SEPTIN7: variants seen among roughly 807,000 people sequenced by gnomAD.
SEPTIN7 encodes septin-7.
A neutral mutation model predicts 63.3 loss-of-function variants in SEPTIN7; 10 were observed. The observed-to-expected ratio is 0.16, with a 90% CI of 0.10 to 0.27. The LOEUF is 0.27. SEPTIN7 is among the 10% of genes least tolerant of loss of function. The probability of loss-of-function intolerance (pLI) is 1.00; values close to 1 mark genes in which losing one functional copy is unlikely to be tolerated. For missense variants in SEPTIN7, 310 were observed against 521.0 expected (o/e 0.59, Z 3.94); for synonymous variants, 131 against 165.3 (o/e 0.79, Z 1.59).
At chr7:35,840,359 A>G (rs1784353069) in intron 3 of SEPTIN7, among the ~76,000 whole-genome samples, 1 of 150,242 alleles carries the variant, frequency 6.7e-6, no homozygotes, top group African/African-American at 2.5e-5. Flanking sequence ...CCTGGACTCA[A>G]GTGATCGTCC....
At chr7:35,894,301 A>G (rs1371105982) in intron 11 of SEPTIN7, among the ~76,000 whole-genome samples, 2 of 151,910 alleles carry the variant, frequency 1.3e-5, no homozygotes, top group African/African-American at 2.4e-5. Flanking sequence ...GTTGGGGCAC[A>G]CCCTTGTCTC....
intron 3 of SEPTIN7, among the ~76,000 whole-genome samples, chr7:35,837,511 A>G (rs1052528743): frequency 2.0e-5 from 3 of 147,762 alleles, no homozygotes; most frequent in Non-Finnish European, 4.4e-5. Flanking sequence ...TTCTTAGAAT[A>G]ATAAAGCTTT....
At chr7:35,844,685 C>T (rs1450239178) in intron 3 of SEPTIN7, among the ~76,000 whole-genome samples, 6 of 152,096 alleles carry the variant, frequency 3.9e-5, no homozygotes, top group Non-Finnish European at 8.8e-5. Context: ...CTGCAACCTC[C>T]GTTCCCCTGG....
At chr7:35,825,164 G>A (rs1488723360) in intron 1 of SEPTIN7, among the ~76,000 whole-genome samples, 1 of 152,146 alleles carries the variant, frequency 6.6e-6, no homozygotes, top group Non-Finnish European at 1.5e-5. Flanking sequence ...ATTTTCTAAA[G>A]TATGAATGTG....
At position 35,832,098 on chromosome 7, in the gene SEPTIN7, C is replaced by T. The variant is rs142182468; in HGVS notation, c.66+602C>T. On this transcript the variant is annotated intron_variant, in intron 2 of 13. Transcript: ENST00000350320. The stretch of plus-strand genomic sequence containing the variant: ...GAAGTAGATTTCTTTCAGTTACTCA[C>T]GAAACTATTGTTGAGGTCATCTAGG... 308 of 453,190 alleles carry T rather than the reference C, an allele frequency of 6.8e-4. 3 individuals are homozygous for T. The highest frequency in any genetic ancestry group is 5.6e-3 in the African/African-American group (278 of 49,868). The allele number at this position is 453,190 out of a possible 1,614,324, so 28.1% of individuals were successfully genotyped here.
At chr7:35,883,786 A>ATTT (rs35686699) in intron 8 of SEPTIN7, 105 bp from the exon 9 acceptor site, 889 of 419,552 alleles carry the variant, frequency 2.1e-3, no homozygotes, top group Non-Finnish European at 3.1e-3. Context: ...TCGAAAGTAA[A>ATTT]TTTTTTTTTT....
rs1788619075 is a variant in SEPTIN7, at chr7:35,906,628, T to C, written c.*2335T>C. 2 of 152,248 alleles carry C rather than the reference T, an allele frequency of 1.3e-5. No individual in the cohort carries two copies. Among genetic ancestry groups the C allele is most frequent in the African/African-American group, 4.8e-5 (2 of 41,472 alleles). 9.4% of individuals were successfully genotyped at this position (152,248 alleles called of 1,614,324 possible). A position where few individuals can be genotyped will look rare whatever the true frequency, so the allele number is the denominator to read the frequency against. On this transcript the variant is annotated 3_prime_UTR_variant, in exon 14 of 14. Coordinates refer to ENST00000350320, the MANE Select transcript of SEPTIN7 (RefSeq NM_001788.6). ...GGGCACCTTGTGGGTAGAGTTTTGCTGCCACCTAGTGGAATGGGATATCAT... is the reference window on the plus strand; with the variant it reads ...GGGCACCTTGTGGGTAGAGTTTTGCCGCCACCTAGTGGAATGGGATATCAT...
chr7:35,873,849 A>G lies in SEPTIN7; in HGVS notation c.512+74A>G, dbSNP rs1786310411. 7 of 1,397,854 alleles carry G rather than the reference A, an allele frequency of 5.0e-6. 1 individual carries two copies. Among genetic ancestry groups the G allele is most frequent in the South Asian group, 3.8e-5 (3 of 79,728 alleles). The allele number at this position is 1,397,854 out of a possible 1,614,324, so 86.6% of individuals were successfully genotyped here. On this transcript the variant is annotated intron_variant, in intron 6 of 13. Coordinates refer to ENST00000350320, the MANE Select transcript of SEPTIN7 (RefSeq NM_001788.6). ...GTTACCTTTATGTGCATACTTTAGT[A>G]ATCTTTAAGTTTGTGAAGTACACAC...
chr7:35,913,567 C>G, the SEPTIN7 span, among the ~76,000 whole-genome samples: 3 of 147,010 alleles, frequency 2.0e-5, no homozygotes, highest in African/African-American at 7.5e-5. Flanking sequence ...TTCCTTCTTT[C>G]TTTCCTTCCT....
intron 1 of SEPTIN7, among the ~76,000 whole-genome samples, chr7:35,828,802 C>T (rs374070823): frequency 6.6e-6 from 1 of 152,208 alleles, no homozygotes; most frequent in South Asian, 2.1e-4. Flanking sequence ...ACTCTGTTGT[C>T]CAGGCTGGAG....
At chr7:35,807,351 ATTTTTTTTTT>A (rs70974769) in intron 1 of SEPTIN7, among the ~76,000 whole-genome samples, 2 of 22,188 alleles carry the variant, frequency 9.0e-5, no homozygotes, top group Non-Finnish European at 1.5e-4. Flanking sequence ...GCCCGGCTGA[ATTTTTTTTTT>A]TTTTTTTTTT....
chr7:35,901,224 T>A (rs1383381068), intron 12 of SEPTIN7: 1 of 152,170 alleles, frequency 6.6e-6, no homozygotes, highest in Non-Finnish European at 1.5e-5. Flanking sequence ...TGCCCATCTC[T>A]CCTTTATAGA....
intron 3 of SEPTIN7, among the ~76,000 whole-genome samples, chr7:35,842,293 A>T (rs1434298915): frequency 2.0e-5 from 3 of 151,788 alleles, no homozygotes; most frequent in East Asian, 3.9e-4. Context: ...CCCATGAAAG[A>T]CCTTTGTAGT....
chr7:35,847,563 GTTC>G lies in SEPTIN7; in HGVS notation c.169+14666_169+14668del, dbSNP rs1232412218. 3.3e-5 allele frequency: 5 copies of G among 152,252 alleles called. 1 individual carries two copies. The East Asian group carries it at 9.6e-4, about 29-fold the overall frequency. 9.4% of individuals were successfully genotyped at this position (152,252 alleles called of 1,614,324 possible). A position where few individuals can be genotyped will look rare whatever the true frequency, so the allele number is the denominator to read the frequency against. ...TATTTGAAATTTTTAAAAAAGTACTGTTCTTTATTTGGAAATTTTGTACTTGCA... is the reference window on the plus strand; with the variant it reads ...TATTTGAAATTTTTAAAAAAGTACTGTTTATTTGGAAATTTTGTACTTGCA... On this transcript the variant is annotated intron_variant, in intron 3 of 13. Transcript: ENST00000350320.
chr7:35,882,297 A>G (rs1479536245), intron 7 of SEPTIN7, among the ~76,000 whole-genome samples, 187 bp from the exon 8 acceptor site: 3 of 145,966 alleles, frequency 2.1e-5, no homozygotes, highest in Admixed American at 2.0e-4. Context: ...TATCAACTTC[A>G]TAGTTAAAAA....
At position 35,873,901 on chromosome 7, in the gene SEPTIN7, T is replaced by C. The variant is rs559046467; in HGVS notation, c.512+126T>C. On this transcript the variant is annotated intron_variant, in intron 6 of 13. Transcript: ENST00000350320. ...ACTATAGCCATTATGAAGTACTAAA[T>C]TTCATGTAGAAATGTCTTAGTTGAA... is the stretch of plus-strand genomic sequence containing the variant. 2.3e-4 allele frequency: 197 copies of C among 862,168 alleles called. 3 individuals are homozygous for C. The South Asian group carries it at 3.2e-3, about 14-fold the overall frequency. The allele number at this position is 862,168 out of a possible 1,614,324, so 53.4% of individuals were successfully genotyped here.
chr7:35,808,826 G>C (rs1442660214), intron 1 of SEPTIN7, among the ~76,000 whole-genome samples: 1 of 152,142 alleles, frequency 6.6e-6, no homozygotes, highest in African/African-American at 2.4e-5. Flanking sequence ...ATTTTGATTT[G>C]TTTAACATGT....
At chr7:35,812,133 A>C (rs1275140165) in intron 1 of SEPTIN7, 10 of 195,580 alleles carry the variant, frequency 5.1e-5, no homozygotes, top group Admixed American at 2.4e-4. Context: ...CAAAACAAAA[A>C]AAAAAAAAAC....
At chr7:35,812,304 C>G (rs73096592) in intron 1 of SEPTIN7, among the ~76,000 whole-genome samples, 350 of 151,270 alleles carry the variant, frequency 2.3e-3, no homozygotes, top group Non-Finnish European at 3.4e-3. Flanking sequence ...AGACATAGGC[C>G]CCACGTCCCT....
Sources: allele counts gnomAD v4.1 joint callset (sites outside exome capture counted in the v4.1 genomes callset), GRCh38; gene constraint gnomAD v4.1.1; transcripts MANE v1.5; gene names NCBI Gene and HGNC (gene_info 2026-07-23, HGNC 2026-07-21).